UAP1: variants seen among roughly 807,000 people sequenced by gnomAD.
UAP1 encodes the protein UDP-N-acetylglucosamine pyrophosphorylase 1.
Under a neutral mutation model 58.5 loss-of-function variants are expected in UAP1, and 25 were observed. The observed-to-expected ratio is 0.43, with a 90% CI of 0.31 to 0.60. UAP1 has a LOEUF of 0.60. UAP1 is among the 20% of genes least tolerant of loss of function. UAP1 has a pLI of 0.11. For missense variants in UAP1, 575 were observed against 630.0 expected (o/e 0.91, Z 0.93); for synonymous variants, 208 against 213.0 (o/e 0.98, Z 0.21).
intron 2 of UAP1, among the ~76,000 whole-genome samples, chr1:162,572,101 T>G (rs553321213): frequency 6.6e-6 from 1 of 152,256 alleles, no homozygotes; most frequent in African/African-American, 2.4e-5. Context: ...TAAATGGATA[T>G]CTACCTGGTA....
intron 4 of UAP1, among the ~76,000 whole-genome samples, chr1:162,580,701 T>C (rs1247827593): frequency 1.3e-5 from 2 of 152,232 alleles, no homozygotes. Context: ...AGTTGTCTAA[T>C]TTTTCATCAC....
chr1:162,597,942 T>C, intron 10 of UAP1, 84 bp downstream of exon 10: 1 of 1,251,534 alleles, frequency 8.0e-7, no homozygotes, highest in Non-Finnish European at 1.1e-6. Flanking sequence ...TTAAATGTTC[T>C]CACCATAAAG....
intron 7 of UAP1, among the ~76,000 whole-genome samples, chr1:162,589,144 ATAT>A (rs1477772940): frequency 3.0e-5 from 3 of 98,716 alleles, no homozygotes; most frequent in African/African-American, 4.2e-5. Context: ...TTATATATTT[ATAT>A]AATATATATT....
chr1:162,600,950 A>G (rs575246468), downstream of UAP1, among the ~76,000 whole-genome samples: 25 of 152,164 alleles, frequency 1.6e-4, no homozygotes, highest in Non-Finnish European at 2.8e-4. Context: ...TTCCTCTGCT[A>G]TTTCCACCTG....
In UAP1 at chr1:162,592,721, T is replaced by C. The variant is rs1466916998; in HGVS notation, c.1359-11T>C. 6.5e-7 allele frequency: 1 copy of C among 1,544,934 alleles called. No homozygotes were observed. Among genetic ancestry groups the C allele is most frequent in the Non-Finnish European group, 8.8e-7 (1 of 1,141,832 alleles). On this transcript the variant is annotated splice_polypyrimidine_tract_variant and intron_variant, in intron 8 of 10. Transcript: ENST00000271469. ...TTCCATTCCCATTAATCCTTATTTA[T>C]TCCCACATAGCAGTGCTACAAATGG...
intron 9 of UAP1, chr1:162,597,489 A>G: frequency 3.5e-6 from 1 of 285,276 alleles, no homozygotes; most frequent in Non-Finnish European, 6.5e-6. Context: ...TATCAAATTG[A>G]AACTTGGAAA....
chr1:162,586,515 C>G (rs910835914), intron 5 of UAP1, among the ~76,000 whole-genome samples: 1 of 152,058 alleles, frequency 6.6e-6, no homozygotes, highest in African/African-American at 2.4e-5. Flanking sequence ...TAAATAGAAG[C>G]CAGGGTTTCA....
downstream of UAP1, among the ~76,000 whole-genome samples, chr1:162,600,026 T>G (rs1032317668): frequency 2.0e-5 from 3 of 152,188 alleles, no homozygotes; most frequent in African/African-American, 4.8e-5. Context: ...ACCCAAAGAT[T>G]ATTTTGTCCT....
At chr1:162,600,410 A>AT (rs1355840951), downstream of UAP1, among the ~76,000 whole-genome samples, 1 of 152,210 alleles carries the variant, frequency 6.6e-6, no homozygotes, top group Non-Finnish European at 1.5e-5. Flanking sequence ...GCCATAGATC[A>AT]TTGGTCATTA....
chr1:162,596,991 C>A (rs773493366), intron 9 of UAP1, among the ~76,000 whole-genome samples: 1 of 152,164 alleles, frequency 6.6e-6, no homozygotes, highest in Non-Finnish European at 1.5e-5. Context: ...GGGACTTTGA[C>A]CTTGCCTTCG....
intron 8 of UAP1, among the ~76,000 whole-genome samples, chr1:162,592,175 A>T (rs1655354514): frequency 6.6e-6 from 1 of 152,168 alleles, no homozygotes; most frequent in South Asian, 2.1e-4. Context: ...AGGCAGGCAG[A>T]TTACCTGAGG....
chr1:162,593,011 C>G lies in UAP1; in HGVS notation c.1409+229C>G, dbSNP rs551152104. On this transcript the variant is annotated intron_variant, in intron 9 of 10. Coordinates refer to ENST00000271469, the Ensembl canonical transcript of UAP1. ...GAGCATGCTTTACTAAAGAATCTGA[C>G]CACAGGTGTTAGAGCTGGAACTGAC... is the stretch of plus-strand genomic sequence containing the variant. 204 of 537,502 alleles carry G rather than the reference C, an allele frequency of 3.8e-4. 1 individual carries two copies. Among genetic ancestry groups the G allele is most frequent in the African/African-American group, 3.1e-3 (164 of 52,550 alleles). The allele number at this position is 537,502 out of a possible 1,614,324, so 33.3% of individuals were successfully genotyped here.
chr1:162,576,083 G>T (rs1360704266), intron 2 of UAP1, among the ~76,000 whole-genome samples: 1 of 152,172 alleles, frequency 6.6e-6, no homozygotes, highest in Non-Finnish European at 1.5e-5. Context: ...GATACCCCAA[G>T]CGCATTCTGT....
exon 6 of UAP1, chr1:162,587,493 C>G (rs1452504229): frequency 1.2e-6 from 2 of 1,605,896 alleles, no homozygotes; most frequent in Non-Finnish European, 1.7e-6. Flanking sequence ...GAAAACGAAC[C>G]CTACAGAACC....
intron 6 of UAP1, 144 bp downstream of exon 6, chr1:162,587,812 C>T (rs1654993600): frequency 6.2e-6 from 5 of 804,570 alleles, no homozygotes; most frequent in South Asian, 4.3e-5. Flanking sequence ...ACATTTATCT[C>T]ATGTTGTGAT....
At chr1:162,566,440 C>A in intron 2 of UAP1, 92 bp downstream of exon 2, 1 of 1,329,972 alleles carries the variant, frequency 7.5e-7, no homozygotes, top group Non-Finnish European at 1.0e-6. Flanking sequence ...TATTTTGATT[C>A]ATACTACATT....
chr1:162,600,642 A>G (rs1008807377), downstream of UAP1, among the ~76,000 whole-genome samples: 5 of 151,134 alleles, frequency 3.3e-5, no homozygotes, highest in East Asian at 5.8e-4. Context: ...TTGTTTAAGG[A>G]TCACTTTTTT....
chr1:162,568,809 T>G (rs1233933192), intron 2 of UAP1, among the ~76,000 whole-genome samples: 1 of 152,228 alleles, frequency 6.6e-6, no homozygotes, highest in Non-Finnish European at 1.5e-5. Context: ...GGATGAAGTC[T>G]TAGTAGTAAC....
intron 5 of UAP1, 33 bp downstream of exon 5, chr1:162,581,492 G>T: frequency 1.3e-6 from 2 of 1,599,334 alleles, no homozygotes; most frequent in South Asian, 1.1e-5. Flanking sequence ...TGAGGCTTTT[G>T]ATGGTCTTGC....
Sources: allele counts gnomAD v4.1 joint callset (sites outside exome capture counted in the v4.1 genomes callset), GRCh38; gene constraint gnomAD v4.1.1; transcripts MANE v1.5; gene names NCBI Gene and HGNC (gene_info 2026-07-23, HGNC 2026-07-21).